Variants in LTBP2 observed in about 807,000 individuals in gnomAD.
The protein encoded by LTBP2 is latent transforming growth factor beta binding protein 2.
LTBP2 carries 103 observed loss-of-function variants against 210.6 expected under a neutral mutation model. That is an observed-to-expected ratio of 0.49 (90% CI 0.42 to 0.58). LTBP2 has a LOEUF of 0.58. LTBP2 is among the 20% of genes least tolerant of loss of function. The pLI is 0.00. For synonymous variants in LTBP2, 1,007 were observed against 1,015.0 expected, an observed-to-expected ratio of 0.99 and a Z score of 0.15; for missense variants, 2,313 against 2,494.5, an observed-to-expected ratio of 0.93 and a Z score of 1.55.
intron 10 of LTBP2, among the ~76,000 whole-genome samples, chr14:74,529,370 G>A (rs1239312262): frequency 6.6e-6 from 1 of 152,228 alleles, no homozygotes; most frequent in African/African-American, 2.4e-5. Context: ...ACCTGCATGT[G>A]GAGAACCTGA....
intron 2 of LTBP2, among the ~76,000 whole-genome samples, chr14:74,600,862 C>T (rs112061581): frequency 3.3e-5 from 5 of 152,326 alleles, no homozygotes; most frequent in East Asian, 1.9e-4. Flanking sequence ...GCAGCGTCAG[C>T]GTTCCTGGGA....
chr14:74,554,680 A>C (rs560067696), intron 4 of LTBP2, among the ~76,000 whole-genome samples: 17 of 152,222 alleles, frequency 1.1e-4, no homozygotes, highest in African/African-American at 3.6e-4. Flanking sequence ...ACTGCTGCTT[A>C]GTGGGTACAA....
rs1246394261 is a variant in LTBP2 at position 74,526,025 on chromosome 14, C to T, written c.2428+50G>A. ...GTAACTCCACTCCTGATTAAGGGCT[C>T]TTTCCCTCCCTTCTCTTTTGCCTAG... On this transcript the variant is annotated intron_variant, in intron 14 of 35. Transcript: ENST00000261978. 6 of 1,557,458 alleles carry T rather than the reference C, an allele frequency of 3.9e-6. No homozygotes were observed. In the South Asian group the frequency reaches 7.0e-5, roughly 18 times the overall value.
rs144293300 is a variant in LTBP2 at position 74,535,993 on chromosome 14, C to T, written c.1797G>A (p.Pro599=). 269 of 1,614,124 alleles carry T rather than the reference C, an allele frequency of 1.7e-4. 2 individuals carry two copies. The African/African-American group carries it at 3.0e-3, about 18-fold the overall frequency. Residue 599 remains proline (P), a synonymous_variant, in exon 9 of 36, where the codon CCG becomes CCA. Coordinates refer to ENST00000261978, the MANE Select transcript of LTBP2 (RefSeq NM_000428.3). ...CAPCPPRPAS[P]VIENGQLECP... ...ACTCCAGCTGGCCATTCTCAATCACCGGGGAGGCTGAAGAGTGGAGATACG... is the reference window on the plus strand; with the variant it reads ...ACTCCAGCTGGCCATTCTCAATCACTGGGGAGGCTGAAGAGTGGAGATACG...
At chr14:74,527,943 T>G (rs2087295809) in intron 12 of LTBP2, among the ~76,000 whole-genome samples, 1 of 152,246 alleles carries the variant, frequency 6.6e-6, no homozygotes, top group Non-Finnish European at 1.5e-5. Flanking sequence ...GTTCCAGGCC[T>G]CCTGCATTCA....
chr14:74,564,279 A>G (rs1290357720), intron 3 of LTBP2, among the ~76,000 whole-genome samples: 4 of 63,040 alleles, frequency 6.3e-5, no homozygotes, highest in Non-Finnish European at 1.1e-4. Flanking sequence ...ATATTTATAT[A>G]TATATTTATA....
At chr14:74,595,714 C>T (rs972341129) in intron 2 of LTBP2, among the ~76,000 whole-genome samples, 1 of 152,218 alleles carries the variant, frequency 6.6e-6, no homozygotes, top group Non-Finnish European at 1.5e-5. Context: ...CAGTCGGAGA[C>T]CCATGTTTGA....
chr14:74,564,521 A>G (rs1341406819), intron 3 of LTBP2, among the ~76,000 whole-genome samples: 3 of 146,666 alleles, frequency 2.0e-5, no homozygotes, highest in Non-Finnish European at 4.4e-5. Flanking sequence ...CAGCCTCCTG[A>G]GTAGCTGGGA....
intron 28 of LTBP2, among the ~76,000 whole-genome samples, chr14:74,505,573 C>G (rs771740639): frequency 6.6e-6 from 1 of 152,168 alleles, no homozygotes; most frequent in Non-Finnish European, 1.5e-5. Context: ...CCCCTCCCAC[C>G]CTTCCTCGTC....
chr14:74,536,980 ACATG>A (rs1345219633), intron 8 of LTBP2, among the ~76,000 whole-genome samples: 1 of 152,170 alleles, frequency 6.6e-6, no homozygotes, highest in African/African-American at 2.4e-5. Flanking sequence ...CTACTACACT[ACATG>A]CATGTTATAT....
intron 2 of LTBP2, among the ~76,000 whole-genome samples, chr14:74,599,993 C>T (rs994246920): frequency 1.3e-5 from 2 of 152,204 alleles, no homozygotes; most frequent in Non-Finnish European, 2.9e-5. Context: ...CATGAACATT[C>T]CCCAACATTG....
intron 8 of LTBP2, among the ~76,000 whole-genome samples, chr14:74,537,377 T>C (rs997416867): frequency 1.3e-5 from 2 of 152,218 alleles, no homozygotes; most frequent in East Asian, 1.9e-4. Flanking sequence ...CTTTTGCCTA[T>C]AGATAGCCAG....
intron 5 of LTBP2, 116 bp downstream of exon 5, chr14:74,552,776 C>A: frequency 7.4e-7 from 1 of 1,349,182 alleles, no homozygotes; most frequent in South Asian, 1.3e-5. Context: ...TGATTTGGGA[C>A]AACTTGTGGA....
chr14:74,557,362 A>G (rs2139754768), intron 3 of LTBP2, among the ~76,000 whole-genome samples: 2 of 152,360 alleles, frequency 1.3e-5, no homozygotes, highest in South Asian at 2.1e-4. Flanking sequence ...ACACTGGTGT[A>G]TTGCTTTCTG....
Position 74,505,078 on chromosome 14 carries a change from C to G in LTBP2, c.4274G>C (p.Ser1425Thr), listed in dbSNP as rs563777400. 6.2e-7 allele frequency: 1 copy of G among 1,614,144 alleles called. No homozygotes were observed. Among genetic ancestry groups the G allele is most frequent in the South Asian group, 1.1e-5 (1 of 91,088 alleles). Residue 1425 changes from serine to threonine, a missense_variant, in exon 29 of 36, where the codon AGT (serine) becomes ACT (threonine). Ser to Thr is a moderately conservative substitution (Grantham distance 58, BLOSUM62 1). Coordinates refer to ENST00000261978, the MANE Select transcript of LTBP2 (RefSeq NM_000428.3). ...SGQKGHAPCS[S>T]VLGRNTTQAE... Reference sequence around the variant, plus strand: ...CTGTGTGGTGTTCCGGCCCAGGACACTGGAGCAGGGCGCATGGCCCTTCTG... The same window carrying G: ...CTGTGTGGTGTTCCGGCCCAGGACAGTGGAGCAGGGCGCATGGCCCTTCTG...
intron 3 of LTBP2, among the ~76,000 whole-genome samples, chr14:74,573,252 C>A (rs779694064): frequency 1.3e-5 from 2 of 152,200 alleles, no homozygotes; most frequent in Admixed American, 6.5e-5. Context: ...TCGCCCTTAC[C>A]CTCAGTGTCC....
chr14:74,602,509 T>C (rs1484088013), intron 2 of LTBP2, among the ~76,000 whole-genome samples: 8 of 152,212 alleles, frequency 5.3e-5, no homozygotes, highest in African/African-American at 1.9e-4. Context: ...GGGACCCTGG[T>C]GTCAGGTTGT....
At chr14:74,511,106 G>A in intron 19 of LTBP2, 139 bp downstream of exon 19, 1 of 1,390,806 alleles carries the variant, frequency 7.2e-7, no homozygotes, top group African/African-American at 1.4e-5. Context: ...AGCGTCATCT[G>A]GGAACCCAGC....
In LTBP2 at chr14:74,586,021, G is replaced by A. The variant is rs553629191; in HGVS notation, c.663C>T (p.Val221=). 6.8e-6 allele frequency: 11 copies of A among 1,606,732 alleles called. No individual in the cohort carries two copies. The highest frequency in any genetic ancestry group is 2.7e-5 in the African/African-American group (2 of 74,860). ...GGGGGTCAAATTCCTCATCGGGAAT[G>A]ACCTCCTCGCAGCGGGCTCCACGGA... ...SGFRGARCEE[V]IPDEEFDPQN... The change falls in exon 3 of 36, where the codon GTC becomes GTT. Residue 221 remains valine (V), a synonymous_variant. Transcript: ENST00000261978. This position sits in a 1 kb window ranked among gnomAD's most constrained non-coding sequence, Gnocchi z 4.6.
Sources: gnomAD v4.1 joint callset for allele counts (sites outside exome capture counted in the v4.1 genomes callset) on GRCh38, gnomAD v4.1.1 for gene constraint, Gnocchi (gnomAD v3.1) non-coding constraint, MANE v1.5 for transcripts, NCBI Gene and HGNC (gene_info 2026-07-23, HGNC 2026-07-21) for gene names.